Variants in SMARCA2 observed in about 807,000 individuals in gnomAD.
SMARCA2 encodes the protein SWI/SNF related BAF chromatin remodeling complex subunit ATPase 2, also known as SWI/SNF-related matrix-associated actin-dependent regulator of chromatin subfamily A member 2.
A neutral mutation model predicts 199.8 loss-of-function variants in SMARCA2; 61 were observed. That is an observed-to-expected ratio of 0.31 (90% CI 0.25 to 0.38). SMARCA2 has a LOEUF of 0.38. Ranked by LOEUF, SMARCA2 falls within the 10% of genes least tolerant of loss-of-function variation. The pLI, the probability that SMARCA2 is intolerant of heterozygous loss-of-function variation, is 1.00. For synonymous variants in SMARCA2, 935 were observed against 732.0 expected (o/e 1.28, Z -4.48); for missense variants, 1,344 against 2,012.2 (o/e 0.67, Z 6.35).
chr9:2,181,967 G>A (rs1280828880), intron 30 of SMARCA2, among the ~76,000 whole-genome samples, 174 bp from the exon 31 acceptor site: 1 of 152,194 alleles, frequency 6.6e-6, no homozygotes, highest in African/African-American at 2.4e-5. Flanking sequence ...ATGACAGTGG[G>A]AGTGGGAGGG....
At chr9:2,159,765 G>C (rs780495797) in intron 27 of SMARCA2, 11 of 1,560,968 alleles carry the variant, frequency 7.0e-6, no homozygotes, top group Admixed American at 3.8e-5. Context: ...AAAATTACTT[G>C]TATATGAAAA....
chr9:2,145,067 AGGC>A (rs2130699601), intron 27 of SMARCA2, among the ~76,000 whole-genome samples: 1 of 152,296 alleles, frequency 6.6e-6, no homozygotes, highest in East Asian at 1.9e-4. Context: ...TGGGAGGCCT[AGGC>A]GGACGGATCA....
In SMARCA2 at chr9:2,119,611, C is replaced by G; in HGVS notation, c.3762+76C>G. On this transcript the variant is annotated intron_variant, in intron 26 of 33. Coordinates refer to ENST00000349721, the MANE Select transcript of SMARCA2 (RefSeq NM_003070.5). This position sits in a 1 kb window ranked among gnomAD's most constrained non-coding sequence, Gnocchi z 4.6. ...TTTCTGTTAAGCAGAATGTCTGCAG[C>G]CTGCGTGCCTGGCAGAACTTCATAC... 1.0e-6 allele frequency: 1 copy of G among 982,570 alleles called. No individual in the cohort carries two copies. The allele number at this position is 982,570 out of a possible 1,614,324, so 60.9% of individuals were successfully genotyped here. A position where few individuals can be genotyped will look rare whatever the true frequency, so the allele number is the denominator to read the frequency against.
intron 4 of SMARCA2, chr9:2,040,704 T>C (rs1819566838): frequency 6.6e-6 from 1 of 152,288 alleles, no homozygotes; most frequent in African/African-American, 2.4e-5. Context: ...TTGTTCATAA[T>C]AGACTAACAG....
In SMARCA2 at chr9:2,077,522, C is replaced by A. The variant is rs1586679955; in HGVS notation, c.2037-107C>A. 3.7e-6 allele frequency: 4 copies of A among 1,072,038 alleles called. No homozygotes were observed. The South Asian group carries it at 4.4e-5, about 12-fold the overall frequency. The allele number at this position is 1,072,038 out of a possible 1,614,324, so 66.4% of individuals were successfully genotyped here. On this transcript the variant is annotated intron_variant, in intron 13 of 33. Transcript: ENST00000349721. Reference sequence around the variant, plus strand: ...GGCAAGTCGTGGTTGATAAATAAAACACACTTATTGCAGCTATTTTAGGTT... The same window carrying A: ...GGCAAGTCGTGGTTGATAAATAAAAAACACTTATTGCAGCTATTTTAGGTT...
At chr9:2,155,758 T>TTTTTTTTTTTTTTTTTTC (rs1825328674) in intron 27 of SMARCA2, among the ~76,000 whole-genome samples, 1 of 82,522 alleles carries the variant, frequency 1.2e-5, no homozygotes, top group African/African-American at 4.8e-5. Context: ...TTTTTTTTTT[T>TTTTTTTTTTTTTTTTTTC]CAAAAGTGAT....
At chr9:2,021,155 G>A (rs1043871542) in intron 1 of SMARCA2, among the ~76,000 whole-genome samples, 1 of 152,098 alleles carries the variant, frequency 6.6e-6, no homozygotes, top group African/African-American at 2.4e-5. Context: ...ATCTATGCAA[G>A]CAGTAATATT....
At chr9:2,128,530 C>A (rs1329942798) in intron 27 of SMARCA2, among the ~76,000 whole-genome samples, 1 of 152,238 alleles carries the variant, frequency 6.6e-6, no homozygotes, top group Admixed American at 6.5e-5. Flanking sequence ...CCTTCCTCAG[C>A]AGTTGCTAAG....
intron 17 of SMARCA2, among the ~76,000 whole-genome samples, chr9:2,084,637 T>TC (rs1342273557): frequency 1.3e-5 from 2 of 152,204 alleles, no homozygotes; most frequent in East Asian, 3.8e-4. Context: ...CAGACACCTC[T>TC]CCATATGGTC....
chr9:2,020,577 T>C (rs540881017), intron 1 of SMARCA2, among the ~76,000 whole-genome samples: 1 of 152,358 alleles, frequency 6.6e-6, no homozygotes, highest in East Asian at 1.9e-4. Flanking sequence ...TTACGTAAGA[T>C]ATTTATCATT....
intron 9 of SMARCA2, among the ~76,000 whole-genome samples, chr9:2,064,347 G>C (rs879909523): frequency 3.9e-5 from 6 of 152,182 alleles, no homozygotes; most frequent in Admixed American, 3.9e-4. Context: ...TCTGTAAGAA[G>C]GCAATAGGAA....
intron 1 of SMARCA2, among the ~76,000 whole-genome samples, chr9:2,021,602 A>G (rs971849686): frequency 1.3e-5 from 2 of 152,222 alleles, no homozygotes; most frequent in African/African-American, 2.4e-5. Context: ...GTTGAACTGG[A>G]CATGTAATAA....
At chr9:2,139,671 G>C (rs964754214) in intron 27 of SMARCA2, among the ~76,000 whole-genome samples, 2 of 152,144 alleles carry the variant, frequency 1.3e-5, no homozygotes, top group African/African-American at 4.8e-5. Context: ...TCCAGGTGGA[G>C]TCAGCTGGTC....
Position 2,161,794 on chromosome 9 carries a change from G to C in SMARCA2, c.4090G>C (p.Ala1364Pro). The C allele has an allele frequency of 6.2e-7, 1 of 1,613,992 alleles. No individual in the cohort carries two copies. The highest frequency in any genetic ancestry group is 1.1e-5 in the South Asian group (1 of 91,068). ...KDPAKEDVEK[A>P]KKRRGRPPAE... is the part of the protein sequence containing the mutation. ...TCCTGCAAAAGAAGATGTGGAAAAA[G>C]CTAAGAAGAGAAGAGGCCGCCCTCC... The change falls in exon 28 of 34, where the codon GCT becomes CCT. Residue 1364 changes from alanine to proline, a missense_variant. Ala to Pro is a conservative substitution (Grantham distance 27). Transcript: ENST00000349721. This position sits in a 1 kb window ranked among gnomAD's most constrained non-coding sequence, Gnocchi z 4.7.
intron 27 of SMARCA2, among the ~76,000 whole-genome samples, chr9:2,141,929 G>C (rs1055308087): frequency 3.3e-5 from 5 of 152,158 alleles, no homozygotes; most frequent in Non-Finnish European, 7.4e-5. Context: ...TAGCTGGCCC[G>C]GGGAGGACTT....
chr9:2,143,507 A>G (rs1182459065), intron 27 of SMARCA2, among the ~76,000 whole-genome samples: 1 of 152,212 alleles, frequency 6.6e-6, no homozygotes, highest in Non-Finnish European at 1.5e-5. Context: ...GGGCAGGGAA[A>G]ACCCATAAGG....
chr9:2,078,134 G>C lies in SMARCA2; in HGVS notation c.2184+358G>C, dbSNP rs1821406847. On this transcript the variant is annotated intron_variant, in intron 14 of 33. Coordinates refer to ENST00000349721, the MANE Select transcript of SMARCA2 (RefSeq NM_003070.5). ...TGGCTGTGGTTTTATGCCGTGGATT[G>C]AACCCACCTAGGAGTAGCTGTCTAC... Among the ~76,000 whole-genome samples the C allele has an allele frequency of 2.6e-5, 4 of 152,134 alleles. No homozygotes were observed. The South Asian group carries it at 8.3e-4, about 32-fold the overall frequency.
chr9:2,103,478 T>G (rs1001472959), intron 22 of SMARCA2, among the ~76,000 whole-genome samples: 31 of 152,328 alleles, frequency 2.0e-4, no homozygotes, highest in African/African-American at 7.0e-4. Context: ...AAAATGAGAC[T>G]CTGTTTTGCT....
intron 28 of SMARCA2, among the ~76,000 whole-genome samples, chr9:2,162,286 TTAAGG>T (rs1825722140): frequency 6.6e-6 from 1 of 152,196 alleles, no homozygotes; most frequent in Non-Finnish European, 1.5e-5. Flanking sequence ...CCTAATATAT[TTAAGG>T]TAAATATTTC....
Sources: allele counts gnomAD v4.1 joint callset (sites outside exome capture counted in the v4.1 genomes callset), GRCh38; gene constraint gnomAD v4.1.1; non-coding constraint Gnocchi (gnomAD v3.1); transcripts MANE v1.5; gene names NCBI Gene and HGNC (gene_info 2026-07-23, HGNC 2026-07-21).